RANBP17: variants seen among roughly 807,000 people sequenced by gnomAD.
The protein encoded by RANBP17 is RAN binding protein 17.
A neutral mutation model predicts 141.2 loss-of-function variants in RANBP17; 158 were observed. The ratio of observed to expected loss-of-function variants is 1.12; its 90% CI spans 0.98 to 1.28. The LOEUF is 1.28. RANBP17 is among the 50% of genes most tolerant of loss of function. The probability of loss-of-function intolerance (pLI) is 0.00; values close to 1 mark genes in which losing one functional copy is unlikely to be tolerated. For synonymous variants in RANBP17, 430 were observed against 450.0 expected (o/e 0.96, Z 0.56); for missense variants, 1,438 against 1,290.7 (o/e 1.11, Z -1.75).
At chr5:171,216,095 G>T (rs1763201947) in intron 21 of RANBP17, among the ~76,000 whole-genome samples, 1 of 151,300 alleles carries the variant, frequency 6.6e-6, no homozygotes, top group South Asian at 2.1e-4. Flanking sequence ...AGGTGTAAGG[G>T]GTCCAGTTTC....
chr5:171,024,620 C>T (rs1416493705), intron 14 of RANBP17, among the ~76,000 whole-genome samples: 1 of 152,196 alleles, frequency 6.6e-6, no homozygotes, highest in East Asian at 1.9e-4. Flanking sequence ...CAACCACTTA[C>T]TCCTTCTAGA....
chr5:171,252,545 G>A (rs560595910), intron 24 of RANBP17: 10 of 1,404,978 alleles, frequency 7.1e-6, no homozygotes, highest in East Asian at 2.3e-5. Context: ...GCACACAAAC[G>A]GAGGAAAGTT....
chr5:171,245,578 T>C (rs889477547), intron 24 of RANBP17, among the ~76,000 whole-genome samples: 2 of 152,092 alleles, frequency 1.3e-5, no homozygotes, highest in Non-Finnish European at 2.9e-5. Context: ...CCTCCCAAAG[T>C]GCTGGGATTA....
chr5:171,151,998 T>C (rs1017135588), intron 14 of RANBP17, among the ~76,000 whole-genome samples: 1 of 151,980 alleles, frequency 6.6e-6, no homozygotes, highest in Non-Finnish European at 1.5e-5. Flanking sequence ...AATTCAAGAA[T>C]GTGAAGAATA....
At chr5:170,895,976 A>G in intron 4 of RANBP17, 74 bp from the exon 5 acceptor site, 1 of 711,022 alleles carries the variant, frequency 1.4e-6, no homozygotes, top group African/African-American at 1.8e-5. Context: ...TTGTTTGTAA[A>G]TGTTACCTGG....
chr5:171,086,377 T>G (rs1785655822), intron 14 of RANBP17, among the ~76,000 whole-genome samples: 1 of 152,010 alleles, frequency 6.6e-6, no homozygotes, highest in Admixed American at 6.6e-5. Flanking sequence ...AGTATTTTAT[T>G]GAGGATTTTT....
At chr5:171,088,722 A>G (rs1785918295) in intron 14 of RANBP17, among the ~76,000 whole-genome samples, 1 of 151,912 alleles carries the variant, frequency 6.6e-6, no homozygotes, top group African/African-American at 2.4e-5. Context: ...TTCATCTTCC[A>G]TCACTGATAC....
At chr5:171,266,235 G>T (rs1193243252) in intron 25 of RANBP17, among the ~76,000 whole-genome samples, 1 of 152,108 alleles carries the variant, frequency 6.6e-6, no homozygotes, top group Non-Finnish European at 1.5e-5. Flanking sequence ...ACTACAATTT[G>T]CTGGGCTCCT....
intron 14 of RANBP17, among the ~76,000 whole-genome samples, chr5:171,164,842 A>G (rs1246447124): frequency 6.6e-6 from 1 of 152,230 alleles, no homozygotes; most frequent in Non-Finnish European, 1.5e-5. Flanking sequence ...TTATGCCTTT[A>G]ACAAATGCAA....
At chr5:171,084,258 A>G (rs1346962052) in intron 14 of RANBP17, among the ~76,000 whole-genome samples, 2 of 148,964 alleles carry the variant, frequency 1.3e-5, no homozygotes, top group Non-Finnish European at 3.0e-5. Flanking sequence ...GATGATTTCC[A>G]ATTCCATCCA....
At chr5:170,905,404 T>C (rs1770996345) in intron 5 of RANBP17, among the ~76,000 whole-genome samples, 1 of 152,114 alleles carries the variant, frequency 6.6e-6, no homozygotes, top group Non-Finnish European at 1.5e-5. Flanking sequence ...ATACCCAGGA[T>C]CACTTGCCAA....
chr5:170,893,255 A>G (rs1769807045), intron 4 of RANBP17, among the ~76,000 whole-genome samples: 1 of 151,872 alleles, frequency 6.6e-6, no homozygotes, highest in African/African-American at 2.4e-5. Flanking sequence ...AAAAAAACCA[A>G]ACCAAACCAA....
At chr5:171,234,076 A>T (rs1162057891) in intron 22 of RANBP17, among the ~76,000 whole-genome samples, 1 of 151,960 alleles carries the variant, frequency 6.6e-6, no homozygotes, top group Non-Finnish European at 1.5e-5. Flanking sequence ...AAATACACAC[A>T]CACATCTTAA....
At chr5:171,107,529 A>G (rs189553654) in intron 14 of RANBP17, among the ~76,000 whole-genome samples, 1 of 152,276 alleles carries the variant, frequency 6.6e-6, no homozygotes, top group Non-Finnish European at 1.5e-5. Context: ...AGTGCCTCTA[A>G]GAAGGAAAAG....
chr5:171,062,529 G>A (rs1382624250), intron 14 of RANBP17, among the ~76,000 whole-genome samples: 12 of 152,246 alleles, frequency 7.9e-5, no homozygotes, highest in African/African-American at 2.4e-4. Context: ...CGAGAGATCC[G>A]CTGTTAGTCT....
intron 14 of RANBP17, among the ~76,000 whole-genome samples, chr5:171,025,960 C>T (rs1781206556): frequency 6.6e-6 from 1 of 152,156 alleles, no homozygotes; most frequent in Non-Finnish European, 1.5e-5. Flanking sequence ...TATTTGTCTT[C>T]CTCACAAAAC....
intron 14 of RANBP17, among the ~76,000 whole-genome samples, chr5:171,063,731 C>T (rs1175476595): frequency 6.6e-6 from 1 of 152,212 alleles, no homozygotes; most frequent in Non-Finnish European, 1.5e-5. Flanking sequence ...GAGGTTACTG[C>T]TGTCTTTTTG....
intron 11 of RANBP17, among the ~76,000 whole-genome samples, chr5:170,921,620 C>G (rs10050970): frequency 6.6e-6 from 1 of 151,500 alleles, no homozygotes. Flanking sequence ...TCCAATTCTG[C>G]GAAGAAAGTC....
At chr5:170,948,482 TAA>T (rs907001861) in intron 12 of RANBP17, among the ~76,000 whole-genome samples, 2 of 152,274 alleles carry the variant, frequency 1.3e-5, no homozygotes, top group African/African-American at 4.8e-5. Context: ...TCAAAAAGGA[TAA>T]AATACTTAGG....
Sources: gnomAD v4.1 joint callset for allele counts (sites outside exome capture counted in the v4.1 genomes callset) on GRCh38, gnomAD v4.1.1 for gene constraint, MANE v1.5 for transcripts, NCBI Gene and HGNC (gene_info 2026-07-23, HGNC 2026-07-21) for gene names.